CAPN12: variants seen among roughly 807,000 people sequenced by gnomAD.
CAPN12 encodes calpain-12.
In CAPN12, 107 loss-of-function variants were observed where a neutral mutation model predicts 95.0. The ratio of observed to expected loss-of-function variants is 1.13; its 90% CI spans 0.96 to 1.32. The LOEUF (loss-of-function observed/expected upper bound fraction) is 1.32, where lower values mean the gene tolerates loss of function less well. Among genes scored for constraint, CAPN12 ranks in the 40% most tolerant of loss-of-function variants. CAPN12 has a pLI of 0.00. For missense variants in CAPN12, 1,136 were observed against 997.8 expected (o/e 1.14, Z -1.87); for synonymous variants, 505 against 415.5 (o/e 1.22, Z -2.62).
intron 3 of CAPN12, chr19:38,742,185 G>A: frequency 1.6e-6 from 1 of 617,306 alleles, no homozygotes; most frequent in South Asian, 2.0e-5. Flanking sequence ...AATTAGCTGG[G>A]CATGATGGCG....
At chr19:38,735,158 G>GA in intron 14 of CAPN12, 1 of 606,034 alleles carries the variant, frequency 1.7e-6, no homozygotes, top group Non-Finnish European at 2.9e-6. Flanking sequence ...TGTCAGGAGG[G>GA]AGAGGGTGGT....
intron 18 of CAPN12, chr19:38,731,593 A>C (rs1016824224): frequency 1.7e-5 from 5 of 293,134 alleles, no homozygotes; most frequent in African/African-American, 1.1e-4. Context: ...ATATGGAGTC[A>C]GTTTCCTTAC....
Position 38,735,558 on chromosome 19 carries a change from A to T in CAPN12, c.1584-14T>A. 1 of 1,606,692 alleles carries T rather than the reference A, an allele frequency of 6.2e-7. No homozygotes were observed. The highest frequency in any genetic ancestry group is 8.5e-7 in the Non-Finnish European group (1 of 1,178,212). On this transcript the variant is annotated splice_polypyrimidine_tract_variant and intron_variant, in intron 12 of 20. Coordinates refer to ENST00000328867, the MANE Select transcript of CAPN12 (RefSeq NM_144691.4). ...TCGTCGATCTCCCTGCAAATTACAGATGGGAAGTGGGGAGGGGGCTGTTTG... is the reference window on the plus strand; with the variant it reads ...TCGTCGATCTCCCTGCAAATTACAGTTGGGAAGTGGGGAGGGGGCTGTTTG...
At position 38,738,478 on chromosome 19, in the gene CAPN12, C is replaced by T. The variant is rs754654701; in HGVS notation, c.830G>A (p.Arg277Gln). The T allele has an allele frequency of 4.2e-5, 68 of 1,611,302 alleles. No individual in the cohort carries two copies. The East Asian group carries it at 6.5e-4, about 15-fold the overall frequency. ...CCATGGGTTCCGCAGCCGCAGCAGC[C>T]GCACCTTGGTGAAGCCCAGGAACAC... is the stretch of plus-strand genomic sequence containing the variant. ...HKVFLGFTKV[R>Q]LLRLRNPWGC... The change falls in exon 7 of 21, where the codon CGG (arginine) becomes CAG (glutamine). Residue 277 changes from arginine (R) to glutamine (Q), a missense_variant. Coordinates refer to ENST00000328867, the MANE Select transcript of CAPN12 (RefSeq NM_144691.4).
At chr19:38,740,725 G>A (rs546023250) in intron 4 of CAPN12, among the ~76,000 whole-genome samples, 251 of 152,036 alleles carry the variant, frequency 1.7e-3, no homozygotes, top group African/African-American at 4.9e-3. Flanking sequence ...GCTTGAACTC[G>A]GGAGGCGAAG....
At chr19:38,741,957 C>G in intron 3 of CAPN12, 47 bp from the exon 4 acceptor site, 1 of 1,598,934 alleles carries the variant, frequency 6.3e-7, no homozygotes, top group Non-Finnish European at 8.5e-7. Context: ...AACCTCCAAC[C>G]CTGCCTGGGC....
intron 4 of CAPN12, 137 bp from the exon 5 acceptor site, chr19:38,740,356 A>C (rs948302379): frequency 3.3e-5 from 32 of 968,882 alleles, no homozygotes; most frequent in Admixed American, 1.8e-4. Flanking sequence ...GACTTTTTCC[A>C]GGGTCACCCT....
In CAPN12 at chr19:38,733,697, C is replaced by T. The variant is rs754429987; in HGVS notation, c.1957+6G>A. 5.7e-5 allele frequency: 92 copies of T among 1,612,582 alleles called. No individual in the cohort carries two copies. Among genetic ancestry groups the T allele is most frequent in the Admixed American group, 1.2e-4 (7 of 59,960 alleles). ...CCCCACGACCACCCCAGGACCCTGT[C>T]CACACCTGCTGCATTCAGTGCCAGC... is the stretch of plus-strand genomic sequence containing the variant. On this transcript the variant is annotated splice_donor_region_variant and intron_variant, in intron 18 of 20. Coordinates refer to ENST00000328867, the MANE Select transcript of CAPN12 (RefSeq NM_144691.4).
rs547762173 is a variant in CAPN12, at chr19:38,740,336, G to T, written c.561-117C>A. 91 of 1,122,294 alleles carry T rather than the reference G, an allele frequency of 8.1e-5. No individual in the cohort carries two copies. In the African/African-American group the frequency reaches 1.3e-3, roughly 16 times the overall value. The allele number at this position is 1,122,294 out of a possible 1,614,324, so 69.5% of individuals were successfully genotyped here. The stretch of plus-strand genomic sequence containing the variant: ...TGTGGAATCCCCAGGGGAAATTCCT[G>T]AAGTTTTGAGACTTTTTCCAGGGTC... On this transcript the variant is annotated intron_variant, in intron 4 of 20. Transcript: ENST00000328867.
At chr19:38,741,742 T>C in intron 4 of CAPN12, 35 bp downstream of exon 4, 1 of 1,611,560 alleles carries the variant, frequency 6.2e-7, no homozygotes, top group Non-Finnish European at 8.5e-7. Context: ...CTGTGGGGAC[T>C]TAGGGCTGCA....
rs780630073 is a variant in CAPN12, at chr19:38,733,787, C to T, written c.1879-6G>A. The T allele has an allele frequency of 2.4e-5, 39 of 1,611,910 alleles. No homozygotes were observed. The highest frequency in any genetic ancestry group is 2.2e-5 in the East Asian group (1 of 44,874). The stretch of plus-strand genomic sequence containing the variant: ...TCGAACTTGTTAAATATGGCCTGGG[C>T]AGGAAGGATGAGTCAGGGCTGCCCT... On this transcript the variant is annotated splice_polypyrimidine_tract_variant and splice_region_variant and intron_variant, in intron 17 of 20. Transcript: ENST00000328867.
chr19:38,732,444 G>A (rs191341402), intron 18 of CAPN12, among the ~76,000 whole-genome samples: 4 of 152,302 alleles, frequency 2.6e-5, no homozygotes, highest in East Asian at 1.9e-4. Context: ...AGATTCTCCT[G>A]TCTCAGCCTC....
chr19:38,735,958 TTCTG>T lies in CAPN12; in HGVS notation c.1583+148_1583+151del. 2 of 24,382 alleles carry T rather than the reference TTCTG, an allele frequency of 8.2e-5. 1 individual carries two copies. Among genetic ancestry groups the T allele is most frequent in the Non-Finnish European group, 1.5e-4 (2 of 13,072 alleles). The allele number at this position is 24,382 out of a possible 1,614,324, so 1.5% of individuals were successfully genotyped here. ...TTCTGGGGGCGGGGCGGGGCGGGGG[TTCTG>T]GGGGCGGGGCGGGGCGGGGCAGGGG... On this transcript the variant is annotated intron_variant, in intron 12 of 20. Coordinates refer to ENST00000328867, the MANE Select transcript of CAPN12 (RefSeq NM_144691.4).
At chr19:38,736,606 T>TCGGGGCAGGGGAGAGAG (rs765550386) in intron 10 of CAPN12, 43 bp from the exon 11 acceptor site, 3 of 1,498,700 alleles carry the variant, frequency 2.0e-6, no homozygotes, top group South Asian at 1.2e-5. Context: ...AGGGGAGAGG[T>TCGGGGCAGGGGAGAGAG]GGCCGCCGCT....
intron 14 of CAPN12, chr19:38,735,149 G>A (rs777484070): frequency 8.3e-6 from 5 of 603,872 alleles, no homozygotes; most frequent in African/African-American, 1.9e-5. Context: ...GGCTGGAGGT[G>A]TCAGGAGGGA....
chr19:38,744,296 G>T lies in CAPN12; in HGVS notation c.-131C>A. 1 of 873,138 alleles carries T rather than the reference G, an allele frequency of 1.1e-6. No homozygotes were observed. The highest frequency in any genetic ancestry group is 1.8e-6 in the Non-Finnish European group (1 of 550,808). The allele number at this position is 873,138 out of a possible 1,614,324, so 54.1% of individuals were successfully genotyped here. A position where few individuals can be genotyped will look rare whatever the true frequency, so the allele number is the denominator to read the frequency against. ...GAGCCTTCCCTCGTTAATATTAATT[G>T]ATGGTTTGGGGTGCTGGGGAGCAGG... On this transcript the variant is annotated 5_prime_UTR_variant, in exon 1 of 21. Coordinates refer to ENST00000328867, the MANE Select transcript of CAPN12 (RefSeq NM_144691.4).
intron 19 of CAPN12, 33 bp downstream of exon 19, chr19:38,731,074 C>A: frequency 6.3e-7 from 1 of 1,577,448 alleles, no homozygotes; most frequent in African/African-American, 1.4e-5. Context: ...TACCCCTTCC[C>A]CCCATGCCCC....
Position 38,742,486 on chromosome 19 carries a change from TAC to T in CAPN12, c.348_349del (p.Tyr117SerfsTer39), listed in dbSNP as rs1237322419. On this transcript the variant is annotated frameshift_variant, in exon 3 of 21. Transcript: ENST00000328867. LOFTEE classifies it high-confidence loss of function. ...GACCACCCGGCGCAGGAGCCGGGGATACAGAGTAAGGGAGGCGGCAGCTGCAA... is the reference window on the plus strand; with the variant it reads ...GACCACCCGGCGCAGGAGCCGGGGATAGAGTAAGGGAGGCGGCAGCTGCAA... 11 of 1,613,694 alleles carry T rather than the reference TAC, an allele frequency of 6.8e-6. No individual in the cohort carries two copies. Among genetic ancestry groups the T allele is most frequent in the South Asian group, 1.1e-5 (1 of 91,054 alleles).
Position 38,742,499 on chromosome 19 carries a change from A to G in CAPN12, c.337T>C (p.Ser113Pro), listed in dbSNP as rs1970607618. Residue 113 changes from serine to proline, a missense_variant, in exon 3 of 21, where the codon TCC (serine) becomes CCC (proline). By Grantham distance (74) the Ser-to-Pro change is moderately conservative (BLOSUM62 -1). Transcript: ENST00000328867. ...AGGAGCCGGGGATACAGAGTAAGGG[A>G]GGCGGCAGCTGCAAGGAACCAGCAG... ...GNCWFLAAAA[S>P]LTLYPRLLRR... 1 of 1,613,004 alleles carries G rather than the reference A, an allele frequency of 6.2e-7. No individual in the cohort carries two copies. Among genetic ancestry groups the G allele is most frequent in the Non-Finnish European group, 8.5e-7 (1 of 1,179,506 alleles).
Sources: gnomAD v4.1 joint callset for allele counts (sites outside exome capture counted in the v4.1 genomes callset) on GRCh38, gnomAD v4.1.1 for gene constraint, MANE v1.5 for transcripts, NCBI Gene and HGNC (gene_info 2026-07-23, HGNC 2026-07-21) for gene names.